Variants in ANK3 observed in about 807,000 individuals in gnomAD.
The protein encoded by ANK3 is ankyrin 3, also known as ankyrin-3.
Under a neutral mutation model 370.9 loss-of-function variants are expected in ANK3, and 57 were observed. The ratio of observed to expected loss-of-function variants is 0.15; its 90% CI spans 0.12 to 0.19. ANK3 has a LOEUF of 0.19. Ranked by LOEUF, ANK3 falls within the 10% of genes least tolerant of loss-of-function variation. ANK3 has a pLI of 1.00. For missense variants in ANK3, 4,439 were observed against 5,302.1 expected (o/e 0.84, Z 5.06); for synonymous variants, 1,929 against 1,946.3 (o/e 0.99, Z 0.23).
chr10:60,388,443 C>A (rs1356040542), intron 1 of ANK3, among the ~76,000 whole-genome samples: 2 of 152,198 alleles, frequency 1.3e-5, no homozygotes, highest in Non-Finnish European at 2.9e-5. Flanking sequence ...TTAAGGATAT[C>A]TTTCCTTTGG....
At chr10:60,527,990 T>C (rs897414728) in intron 2 of ANK3, among the ~76,000 whole-genome samples, 5 of 151,892 alleles carry the variant, frequency 3.3e-5, no homozygotes, top group African/African-American at 1.2e-4. Context: ...ACATCAACCT[T>C]CAGATTAAAC....
At chr10:60,540,504 C>T (rs2076821963) in intron 2 of ANK3, among the ~76,000 whole-genome samples, 1 of 151,890 alleles carries the variant, frequency 6.6e-6, no homozygotes, top group Non-Finnish European at 1.5e-5. Flanking sequence ...GGTTAAATTG[C>T]TCTCTGAGCT....
intron 1 of ANK3, among the ~76,000 whole-genome samples, chr10:60,624,166 C>T (rs1033771572): frequency 1.3e-5 from 2 of 151,928 alleles, no homozygotes; most frequent in Non-Finnish European, 2.9e-5. Flanking sequence ...AATTTACCTA[C>T]ATAACAAACT....
At chr10:60,287,060 C>T (rs2040174430) in intron 1 of ANK3, among the ~76,000 whole-genome samples, 1 of 152,026 alleles carries the variant, frequency 6.6e-6, no homozygotes, top group Non-Finnish European at 1.5e-5. Flanking sequence ...CCTGTCCATT[C>T]TTATACTGGG....
intron 2 of ANK3, among the ~76,000 whole-genome samples, chr10:60,407,391 G>T (rs1426765636): frequency 6.6e-6 from 1 of 152,200 alleles, no homozygotes; most frequent in African/African-American, 2.4e-5. Flanking sequence ...TTGTGAGGAT[G>T]CAAATTATCC....
chr10:60,361,971 A>G (rs1461670345), intron 1 of ANK3, among the ~76,000 whole-genome samples: 1 of 152,242 alleles, frequency 6.6e-6, no homozygotes, highest in Non-Finnish European at 1.5e-5. Flanking sequence ...AGGTTGAAAA[A>G]TGTTACCATG....
chr10:60,368,114 G>A (rs1410165666), intron 1 of ANK3, among the ~76,000 whole-genome samples: 1 of 152,062 alleles, frequency 6.6e-6, no homozygotes, highest in East Asian at 1.9e-4. Context: ...TCACTGCATT[G>A]TTCAGTTTAT....
chr10:60,180,626 C>CAAAAAAAAAAAACAT (rs1565506436), intron 18 of ANK3, among the ~76,000 whole-genome samples: 8 of 119,280 alleles, frequency 6.7e-5, no homozygotes, highest in Non-Finnish European at 1.2e-4. Context: ...AAAAAAAAAA[C>CAAAAAAAAAAAACAT]ATGTTAGAGT....
intron 28 of ANK3, among the ~76,000 whole-genome samples, chr10:60,098,105 T>A (rs896456013): frequency 6.6e-6 from 1 of 152,114 alleles, no homozygotes; most frequent in Non-Finnish European, 1.5e-5. Context: ...ATGTTCCTCA[T>A]CTATGTGATT....
chr10:60,250,136 A>T (rs932268226), intron 7 of ANK3, among the ~76,000 whole-genome samples: 1 of 152,222 alleles, frequency 6.6e-6, no homozygotes, highest in Non-Finnish European at 1.5e-5. Context: ...CCATGACTCA[A>T]CTTTGGGCAA....
intron 7 of ANK3, among the ~76,000 whole-genome samples, chr10:60,248,150 A>T (rs1041408246): frequency 2.6e-5 from 4 of 152,196 alleles, no homozygotes; most frequent in Non-Finnish European, 5.9e-5. Context: ...CCATGTACAA[A>T]TACCTCTTGA....
chr10:60,350,464 A>G (rs903733537), intron 1 of ANK3, among the ~76,000 whole-genome samples: 1 of 152,222 alleles, frequency 6.6e-6, no homozygotes, highest in Non-Finnish European at 1.5e-5. Context: ...GTGGGCAGAC[A>G]GGACAGATAA....
chr10:60,366,623 T>A (rs989876666), intron 1 of ANK3, among the ~76,000 whole-genome samples: 1 of 138,156 alleles, frequency 7.2e-6, no homozygotes, highest in African/African-American at 2.7e-5. Context: ...AGGCAGGAAG[T>A]GAGGGGGCTT....
At chr10:60,657,412 G>T (rs2078879479) in intron 1 of ANK3, among the ~76,000 whole-genome samples, 1 of 152,156 alleles carries the variant, frequency 6.6e-6, no homozygotes. Flanking sequence ...TGCCTCCCTA[G>T]TCAGTGAGAT....
chr10:60,057,725 C>G (rs2079495269), intron 41 of ANK3, among the ~76,000 whole-genome samples: 2 of 152,150 alleles, frequency 1.3e-5, no homozygotes. Context: ...ACTGGCAGAG[C>G]CTATATAAAA....
In ANK3 at chr10:60,555,738, T is replaced by C. The variant is rs572925689; in HGVS notation, c.96+59448A>G. On this transcript the variant is annotated intron_variant, in intron 2 of 43. Coordinates refer to the ANK3 transcript ENST00000373827. ...TGGAATAATTTGCACTAACTGCATA[T>C]TTTTATAAGGTTGGGTACCAGCAAA... 3.3e-5 allele frequency among the ~76,000 whole-genome samples: 5 copies of C among 152,236 alleles called. No homozygotes were observed. In the East Asian group the frequency reaches 5.8e-4, roughly 18 times the overall value.
At position 60,474,387 on chromosome 10, in the gene ANK3, G is replaced by A. The variant is rs572521774; in HGVS notation, c.96+140799C>T. Among the ~76,000 whole-genome samples, 4 of 152,306 alleles carry A rather than the reference G, an allele frequency of 2.6e-5. No individual in the cohort carries two copies. The East Asian group carries it at 7.7e-4, about 29-fold the overall frequency. ...CAGAGGGCAGGACCAACATTCTTTA[G>A]ATCACTGAAGTCACTCTGAAGAGAA... On this transcript the variant is annotated intron_variant, in intron 2 of 43. Transcript: ENST00000373827.
At chr10:60,132,742 G>A (rs1045713166) in intron 25 of ANK3, among the ~76,000 whole-genome samples, 6 of 151,554 alleles carry the variant, frequency 4.0e-5, no homozygotes, top group South Asian at 4.2e-4. Flanking sequence ...TCAGCCTCCC[G>A]AGTAGCTGAG....
intron 2 of ANK3, among the ~76,000 whole-genome samples, chr10:60,455,485 A>G (rs2064723434): frequency 1.3e-5 from 2 of 152,208 alleles, no homozygotes; most frequent in Admixed American, 1.3e-4. Context: ...ATGTACTAAC[A>G]TTTTATATTT....
Sources: gnomAD v4.1 joint callset for allele counts (sites outside exome capture counted in the v4.1 genomes callset) on GRCh38, gnomAD v4.1.1 for gene constraint, MANE v1.5 for transcripts, NCBI Gene and HGNC (gene_info 2026-07-23, HGNC 2026-07-21) for gene names.